Variants in LINGO2 observed in about 807,000 individuals in gnomAD.
The protein encoded by LINGO2 is leucine-rich repeat and immunoglobulin-like domain-containing nogo receptor-interacting protein 2.
Under a neutral mutation model 30.6 loss-of-function variants are expected in LINGO2, and 14 were observed. The observed-to-expected ratio is 0.46, with a 90% confidence interval of 0.30 to 0.72. The LOEUF (loss-of-function observed/expected upper bound fraction) is 0.72. Ranked by LOEUF, LINGO2 falls within the 30% of genes least tolerant of loss-of-function variation. The probability of loss-of-function intolerance (pLI) is 0.07; values close to 1 mark genes in which losing one functional copy is unlikely to be tolerated. For missense variants in LINGO2, 729 were observed against 751.7 expected (o/e 0.97, Z 0.35); for synonymous variants, 317 against 288.5 (o/e 1.10, Z -1.00).
At chr9:28,243,555 T>C (rs1821884551) in intron 4 of LINGO2, among the ~76,000 whole-genome samples, 1 of 151,328 alleles carries the variant, frequency 6.6e-6, no homozygotes, top group African/African-American at 2.4e-5. Flanking sequence ...CCATCTCACG[T>C]GCAAAGATAC....
intron 1 of LINGO2, among the ~76,000 whole-genome samples, chr9:28,571,036 C>T (rs1823666029): frequency 6.6e-6 from 1 of 150,752 alleles, no homozygotes; most frequent in South Asian, 2.1e-4. Context: ...TTACAGATTC[C>T]TAAATCAAGA....
chr9:28,631,648 T>C (rs1013232798), intron 1 of LINGO2, among the ~76,000 whole-genome samples: 1 of 152,108 alleles, frequency 6.6e-6, no homozygotes, highest in Admixed American at 6.6e-5. Flanking sequence ...AGAACGTTAA[T>C]ATTTTATTGC....
intron 1 of LINGO2, among the ~76,000 whole-genome samples, chr9:28,477,522 TC>T (rs1825777686): frequency 6.6e-6 from 1 of 152,112 alleles, no homozygotes; most frequent in South Asian, 2.1e-4. Flanking sequence ...TCTTAAGTCT[TC>T]CCCCATTTTC....
intron 2 of LINGO2, among the ~76,000 whole-genome samples, chr9:28,414,080 A>T (rs1023562599): frequency 2.6e-5 from 4 of 152,032 alleles, no homozygotes; most frequent in African/African-American, 9.7e-5. Context: ...TTTAAAAAAT[A>T]TTTTTGACAA....
At chr9:28,458,798 C>G (rs981087425) in intron 2 of LINGO2, among the ~76,000 whole-genome samples, 6 of 152,108 alleles carry the variant, frequency 3.9e-5, no homozygotes, top group Non-Finnish European at 8.8e-5. Flanking sequence ...AAGGTCTGCC[C>G]TGGCTACAAA....
Position 28,644,079 on chromosome 9 carries a change from T to C in LINGO2, c.-365+26121A>G, listed in dbSNP as rs188615145. 7.9e-5 allele frequency among the ~76,000 whole-genome samples: 12 copies of C among 152,172 alleles called. No individual in the cohort carries two copies. The East Asian group carries it at 1.9e-3, about 25-fold the overall frequency. ...GAGAAAAGAGAACCCTTGTGCACTG[T>C]TGGTAGGAGTGTAAATTAGCACAAT... On this transcript the variant is annotated intron_variant, in intron 1 of 5. Coordinates refer to ENST00000379992, the Ensembl canonical transcript of LINGO2.
At chr9:28,739,548 A>G in the LINGO2 span, among the ~76,000 whole-genome samples, 1 of 151,890 alleles carries the variant, frequency 6.6e-6, no homozygotes. Flanking sequence ...CAGGAAGAAC[A>G]AAAGGAATAA....
At chr9:28,879,899 T>G in the LINGO2 span, among the ~76,000 whole-genome samples, 8,148 of 152,222 alleles carry the variant, frequency 0.054, 702 homozygotes, top group African/African-American at 0.18. Flanking sequence ...AGAAAGCCTA[T>G]GTGTATAACT....
At chr9:28,390,558 T>C (rs1376866115) in intron 2 of LINGO2, among the ~76,000 whole-genome samples, 8 of 146,644 alleles carry the variant, frequency 5.5e-5, no homozygotes, top group Non-Finnish European at 6.0e-5. Context: ...AGGTTTTCTT[T>C]GAATGATACA....
the LINGO2 span, among the ~76,000 whole-genome samples, chr9:29,002,845 G>T: frequency 6.6e-6 from 1 of 151,982 alleles, no homozygotes; most frequent in Admixed American, 6.6e-5. Context: ...GTCATTAGGG[G>T]TTCAGTTGTA....
At chr9:28,566,051 G>A (rs1299128330) in intron 1 of LINGO2, among the ~76,000 whole-genome samples, 3 of 152,104 alleles carry the variant, frequency 2.0e-5, no homozygotes, top group Non-Finnish European at 4.4e-5. Context: ...GACCAGCGAA[G>A]TGGCCTGCAG....
the LINGO2 span, among the ~76,000 whole-genome samples, chr9:28,847,758 C>T: frequency 1.9e-4 from 7 of 37,506 alleles, 1 homozygote; most frequent in African/African-American, 5.7e-4. Flanking sequence ...TATATATATA[C>T]ACACACATAT....
At chr9:28,015,446 T>A (rs577289269) in intron 4 of LINGO2, among the ~76,000 whole-genome samples, 1 of 151,322 alleles carries the variant, frequency 6.6e-6, no homozygotes, top group South Asian at 2.1e-4. Context: ...GTCAAGCCCG[T>A]AAGTAAATCA....
At chr9:28,160,105 C>G (rs529987462) in intron 4 of LINGO2, among the ~76,000 whole-genome samples, 2 of 151,628 alleles carry the variant, frequency 1.3e-5, no homozygotes, top group Non-Finnish European at 2.9e-5. Flanking sequence ...TCTATAGCAA[C>G]TATGAAAAAA....
intron 2 of LINGO2, among the ~76,000 whole-genome samples, chr9:28,427,641 A>G (rs1025871864): frequency 2.6e-5 from 4 of 152,120 alleles, no homozygotes; most frequent in Admixed American, 6.6e-5. Context: ...TTGTCTCTTC[A>G]TCAATAATTT....
intron 4 of LINGO2, among the ~76,000 whole-genome samples, chr9:28,219,080 G>T (rs186944235): frequency 6.6e-6 from 1 of 152,212 alleles, no homozygotes; most frequent in South Asian, 2.1e-4. Context: ...ATTTGCAGCC[G>T]GATTAGCTTT....
intron 4 of LINGO2, among the ~76,000 whole-genome samples, chr9:28,228,111 G>C (rs950503821): frequency 6.6e-6 from 1 of 151,750 alleles, no homozygotes; most frequent in African/African-American, 2.4e-5. Context: ...TATTGGCTTT[G>C]AAAAAAGATG....
intron 4 of LINGO2, among the ~76,000 whole-genome samples, chr9:28,056,769 T>C (rs1587785678): frequency 6.6e-6 from 1 of 152,196 alleles, no homozygotes; most frequent in Non-Finnish European, 1.5e-5. Flanking sequence ...AGAATTCTGA[T>C]ATATACAGAG....
At position 28,532,961 on chromosome 9, in the gene LINGO2, C is replaced by T. The variant is rs141020460; in HGVS notation, c.-364-56936G>A. Among the ~76,000 whole-genome samples the T allele has an allele frequency of 8.9e-3, 1,353 of 152,080 alleles. 11 individuals carry two copies. Among genetic ancestry groups the T allele is most frequent in the Non-Finnish European group, 0.015 (1,044 of 67,976 alleles). On this transcript the variant is annotated intron_variant, in intron 1 of 5. Transcript: ENST00000379992. ...TTGATGACATACTTGGCTCTTTGGT[C>T]CTTGTGATGGTTAATACCGAGTGTC... is the stretch of plus-strand genomic sequence containing the variant.
Sources: allele counts gnomAD v4.1 joint callset (sites outside exome capture counted in the v4.1 genomes callset), GRCh38; gene constraint gnomAD v4.1.1; transcripts MANE v1.5; gene names NCBI Gene and HGNC (gene_info 2026-07-23, HGNC 2026-07-21).